The following TCF12 variants were observed in gnomAD, a reference collection of about 807,000 sequenced individuals.
TCF12 encodes DNA-binding protein HTF4.
TCF12 carries 45 observed loss-of-function variants against 86.0 expected under a neutral mutation model. The observed-to-expected ratio is 0.52, with a 90% CI of 0.41 to 0.67. The LOEUF (loss-of-function observed/expected upper bound fraction) is 0.67. TCF12 is among the 30% of genes least tolerant of loss of function. The probability of loss-of-function intolerance (pLI) is 0.00; values close to 1 mark genes in which losing one functional copy is unlikely to be tolerated. For missense variants in TCF12, 881 were observed against 859.9 expected (o/e 1.02, Z -0.31); for synonymous variants, 330 against 299.6 (o/e 1.10, Z -1.05).
At chr15:57,173,833 G>C (rs2055709189) in intron 6 of TCF12, among the ~76,000 whole-genome samples, 1 of 151,446 alleles carries the variant, frequency 6.6e-6, no homozygotes, top group African/African-American at 2.4e-5. Flanking sequence ...TTAGCCTCCT[G>C]AGTAGCTGGG....
chr15:57,163,446 C>T (rs909304703), intron 5 of TCF12, among the ~76,000 whole-genome samples: 2 of 152,064 alleles, frequency 1.3e-5, no homozygotes, highest in African/African-American at 2.4e-5. Context: ...ATACCTGTAA[C>T]GTCAACACTT....
chr15:57,169,586 G>A (rs1388576840), intron 6 of TCF12, among the ~76,000 whole-genome samples: 1 of 152,108 alleles, frequency 6.6e-6, no homozygotes, highest in African/African-American at 2.4e-5. Flanking sequence ...CTCAATTCAT[G>A]TAATCCACAT....
At chr15:57,232,899 C>G in intron 11 of TCF12, 43 bp downstream of exon 11, 2 of 1,457,310 alleles carry the variant, frequency 1.4e-6, no homozygotes, top group Non-Finnish European at 1.8e-6. Context: ...AGTTTGTGGA[C>G]TTTCAGTGAC....
At chr15:57,251,956 G>A (rs2060137154) in intron 14 of TCF12, among the ~76,000 whole-genome samples, 1 of 152,126 alleles carries the variant, frequency 6.6e-6, no homozygotes, top group African/African-American at 2.4e-5. Context: ...TATTTAACAA[G>A]GCAGTAAAGG....
intron 5 of TCF12, among the ~76,000 whole-genome samples, chr15:57,131,440 T>G (rs1456952771): frequency 1.3e-5 from 2 of 152,196 alleles, no homozygotes; most frequent in Non-Finnish European, 2.9e-5. Flanking sequence ...ATTGTACCAT[T>G]TTTCAAATGG....
intron 3 of TCF12, among the ~76,000 whole-genome samples, chr15:56,963,783 A>G (rs1183392807): frequency 6.6e-6 from 1 of 152,180 alleles, no homozygotes; most frequent in Non-Finnish European, 1.5e-5. Flanking sequence ...TAACGAGTAG[A>G]AATTGGTAGT....
At chr15:57,002,085 A>G (rs551750816) in intron 3 of TCF12, among the ~76,000 whole-genome samples, 1 of 152,218 alleles carries the variant, frequency 6.6e-6, no homozygotes, top group Non-Finnish European at 1.5e-5. Context: ...TTCATTGTCC[A>G]TGTTCAGAAG....
In TCF12 at chr15:57,252,480, G is replaced by A. The variant is rs1566989575; in HGVS notation, c.1248G>A (p.Lys416=). The part of the protein sequence containing the change: ...EHLQDAMSFL[K]DVCEQSRMED... ...TGCAAGATGCAATGTCCTTCTTAAA[G>A]GATGTCTGTGAGGTACTATTTCTTT... Residue 416 remains lysine, a synonymous_variant, in exon 15 of 21, where the codon AAG becomes AAA. Transcript: ENST00000333725. The A allele has an allele frequency of 6.2e-7, 1 of 1,613,808 alleles. No individual in the cohort carries two copies. The highest frequency in any genetic ancestry group is 1.7e-5 in the Admixed American group (1 of 60,006).
At chr15:56,928,624 T>C (rs1372829718) in intron 3 of TCF12, among the ~76,000 whole-genome samples, 2 of 152,200 alleles carry the variant, frequency 1.3e-5, no homozygotes, top group African/African-American at 4.8e-5. Flanking sequence ...ACCTTAACTT[T>C]TCTTTTTTAG....
At chr15:57,049,474 A>G (rs888710865) in intron 3 of TCF12, among the ~76,000 whole-genome samples, 3 of 152,184 alleles carry the variant, frequency 2.0e-5, no homozygotes, top group Admixed American at 2.0e-4. Flanking sequence ...ATGAAATAGT[A>G]TGTCCTCTTT....
chr15:57,033,265 T>G (rs1214490297), intron 3 of TCF12, among the ~76,000 whole-genome samples: 1 of 152,166 alleles, frequency 6.6e-6, no homozygotes, highest in Non-Finnish European at 1.5e-5. Flanking sequence ...TTTGAAGAAA[T>G]AATTGCTGAA....
At chr15:57,232,212 C>T (rs754909359) in intron 9 of TCF12, 79 bp from the exon 10 acceptor site, 88 of 1,549,364 alleles carry the variant, frequency 5.7e-5, no homozygotes, top group East Asian at 3.4e-4. Flanking sequence ...GAGGGTACCC[C>T]TTGAATTTTT....
intron 6 of TCF12, among the ~76,000 whole-genome samples, chr15:57,173,105 A>G (rs1402816611): frequency 6.6e-6 from 1 of 152,176 alleles, no homozygotes; most frequent in Non-Finnish European, 1.5e-5. Flanking sequence ...CAATGTCAGT[A>G]AGATATCTAG....
intron 3 of TCF12, among the ~76,000 whole-genome samples, chr15:57,023,249 A>G (rs979805644): frequency 1.3e-5 from 2 of 152,198 alleles, no homozygotes; most frequent in South Asian, 2.1e-4. Flanking sequence ...GTGCTTGTTT[A>G]GAGTATTTAT....
intron 5 of TCF12, among the ~76,000 whole-genome samples, chr15:57,142,584 G>A (rs1430659120): frequency 1.3e-5 from 2 of 149,228 alleles, no homozygotes; most frequent in East Asian, 3.9e-4. Flanking sequence ...ATAAGTCTAT[G>A]CTGATATATA....
At chr15:57,243,597 A>G in intron 13 of TCF12, 47 bp downstream of exon 13, 2 of 1,424,566 alleles carry the variant, frequency 1.4e-6, no homozygotes, top group South Asian at 2.4e-5. Context: ...CTACTTGGAA[A>G]TATTTCTAGT....
intron 3 of TCF12, among the ~76,000 whole-genome samples, chr15:57,033,185 A>G (rs1302433527): frequency 6.6e-6 from 1 of 152,206 alleles, no homozygotes; most frequent in East Asian, 1.9e-4. Context: ...GACTGGTAAC[A>G]TTAGGACTAA....
intron 5 of TCF12, among the ~76,000 whole-genome samples, chr15:57,130,550 T>A (rs1205092655): frequency 2.6e-5 from 4 of 152,188 alleles, no homozygotes; most frequent in Admixed American, 6.5e-5. Flanking sequence ...GAGGAATTCA[T>A]TGACCAACAT....
chr15:57,170,654 A>T (rs1158416063), intron 6 of TCF12, among the ~76,000 whole-genome samples: 1 of 35,186 alleles, frequency 2.8e-5, no homozygotes, highest in Non-Finnish European at 5.4e-5. Context: ...TATATATATT[A>T]TATAAAATAT....
Sources: allele counts gnomAD v4.1 joint callset (sites outside exome capture counted in the v4.1 genomes callset), GRCh38; gene constraint gnomAD v4.1.1; transcripts MANE v1.5; gene names NCBI Gene and HGNC (gene_info 2026-07-23, HGNC 2026-07-21).